Variants in FDFT1 observed in about 807,000 individuals in gnomAD.
FDFT1 encodes squalene synthase.
In FDFT1, 68 loss-of-function variants were observed where a neutral mutation model predicts 46.8. The observed-to-expected ratio is 1.45, with a 90% confidence interval of 1.19 to 1.78. The LOEUF (loss-of-function observed/expected upper bound fraction) is 1.78, where lower values mean the gene tolerates loss of function less well. Ranked by LOEUF, FDFT1 falls within the 40% of genes most tolerant of loss-of-function variation. FDFT1 has a pLI of 0.00. For synonymous variants in FDFT1, 351 were observed against 185.1 expected (o/e 1.90, Z -7.28); for missense variants, 928 against 524.4 (o/e 1.77, Z -7.52).
chr8:11,809,523 A>T, intron 2 of FDFT1, 144 bp from the exon 3 acceptor site: 1 of 1,306,904 alleles, frequency 7.7e-7, no homozygotes, highest in Non-Finnish European at 9.9e-7. Flanking sequence ...ACTTTCGTTA[A>T]GTATGAAAAG....
upstream of FDFT1, chr8:11,802,680 G>T: frequency 1.5e-6 from 1 of 648,708 alleles, no homozygotes; most frequent in African/African-American, 1.8e-5. Flanking sequence ...CGGTTGAAGT[G>T]GGCGGAGCGG....
chr8:11,835,834 T>C (rs1811459039), intron 7 of FDFT1, among the ~76,000 whole-genome samples: 1 of 152,026 alleles, frequency 6.6e-6, no homozygotes, highest in Non-Finnish European at 1.5e-5. Context: ...AAGTCTTAAA[T>C]TTTCAAAAGT....
chr8:11,837,270 A>G (rs1413983642), intron 7 of FDFT1, among the ~76,000 whole-genome samples: 1 of 152,230 alleles, frequency 6.6e-6, no homozygotes, highest in African/African-American at 2.4e-5. Flanking sequence ...TTGTTCTGTC[A>G]TCCAGGCTGG....
chr8:11,812,958 G>T (rs760500370), intron 3 of FDFT1, among the ~76,000 whole-genome samples: 10 of 152,214 alleles, frequency 6.6e-5, no homozygotes, highest in Non-Finnish European at 1.2e-4. Context: ...TCATCATTCT[G>T]TGAACATCAT....
In FDFT1 at chr8:11,809,352, T is replaced by C. The variant is rs1807380757; in HGVS notation, c.198-315T>C. The C allele has an allele frequency of 3.6e-6, 4 of 1,116,078 alleles. No individual in the cohort carries two copies. The African/African-American group carries it at 6.5e-5, about 18-fold the overall frequency. 69.1% of individuals were successfully genotyped at this position (1,116,078 alleles called of 1,614,324 possible). On this transcript the variant is annotated intron_variant, in intron 2 of 7. Coordinates refer to ENST00000220584, the MANE Select transcript of FDFT1 (RefSeq NM_004462.5). Reference sequence around the variant, plus strand: ...TTTTTTGACTTTCTTTTCTATTTGCTACATATTAGTTCGGTCTAAACGTTT... The same window carrying C: ...TTTTTTGACTTTCTTTTCTATTTGCCACATATTAGTTCGGTCTAAACGTTT...
intron 7 of FDFT1, chr8:11,831,910 G>C: frequency 2.5e-6 from 1 of 402,114 alleles, no homozygotes. Context: ...GTAGGTTGGA[G>C]CCCCTCAGTA....
chr8:11,830,357 T>C lies in FDFT1; in HGVS notation c.816T>C (p.Asp272=), dbSNP rs1810607275. The change falls in exon 6 of 8, where the codon GAT becomes GAC. Residue 272 remains aspartate (D), a synonymous_variant. Transcript: ENST00000220584. ...LITNALHHIP[D]VITYLSRLRN... is the part of the protein sequence containing the mutation. ...CCAATGCACTGCACCACATCCCAGA[T>C]GTCATCACCTACCTTTCGAGACTCA... 3 of 1,613,952 alleles carry C rather than the reference T, an allele frequency of 1.9e-6. No homozygotes were observed. Among genetic ancestry groups the C allele is most frequent in the Non-Finnish European group, 2.5e-6 (3 of 1,179,870 alleles).
At chr8:11,816,963 G>T (rs138607629) in intron 3 of FDFT1, among the ~76,000 whole-genome samples, 1,698 of 152,280 alleles carry the variant, frequency 0.011, 32 homozygotes, top group African/African-American at 0.039. Flanking sequence ...CAAAGGGAAT[G>T]CTTCCAGTTT....
intron 7 of FDFT1, among the ~76,000 whole-genome samples, 185 bp from the exon 8 acceptor site, chr8:11,838,203 C>T (rs1287736138): frequency 6.6e-6 from 1 of 152,196 alleles, no homozygotes; most frequent in Non-Finnish European, 1.5e-5. Flanking sequence ...TTGAGATGAG[C>T]TGGGGCTGAC....
chr8:11,827,950 C>G (rs1006030094), intron 5 of FDFT1, among the ~76,000 whole-genome samples: 4 of 151,910 alleles, frequency 2.6e-5, no homozygotes, highest in Admixed American at 2.0e-4. Context: ...GCCTATAATC[C>G]CAGCACTTTG....
At chr8:11,808,517 C>T in intron 1 of FDFT1, 1 of 1,333,572 alleles carries the variant, frequency 7.5e-7, no homozygotes, top group Non-Finnish European at 9.5e-7. Context: ...CCGCGATTCC[C>T]ATGGCCGCAG....
chr8:11,809,040 T>C lies in FDFT1; in HGVS notation c.197+149T>C. The C allele has an allele frequency of 2.2e-6, 3 of 1,365,762 alleles. No individual in the cohort carries two copies. In the Admixed American group the frequency reaches 7.2e-5, roughly 33 times the overall value. The allele number at this position is 1,365,762 out of a possible 1,614,324, so 84.6% of individuals were successfully genotyped here. On this transcript the variant is annotated intron_variant, in intron 2 of 7. Coordinates refer to ENST00000220584, the MANE Select transcript of FDFT1 (RefSeq NM_004462.5). ...ACATAGCCCGGCCCTACGTGTTTAC[T>C]TTAGAAAGCCCTTCCAGGCTCTTTG...
At chr8:11,824,555 G>A (rs1282710335) in intron 4 of FDFT1, among the ~76,000 whole-genome samples, 1 of 151,620 alleles carries the variant, frequency 6.6e-6, no homozygotes, top group Admixed American at 6.6e-5. Flanking sequence ...AGCCCCCTGA[G>A]TAACTGGGAC....
In FDFT1 at chr8:11,826,032, C is replaced by A. The variant is rs916023354; in HGVS notation, c.519C>A (p.His173Gln). The part of the protein sequence containing the change: ...TSEQEWDKYC[H>Q]YVAGLVGIGL... ...AAAATCGTCTCTTACAGTACTGCCA[C>A]TATGTTGCTGGGCTGGTCGGAATTG... is the stretch of plus-strand genomic sequence containing the variant. The change falls in exon 5 of 8, where the codon CAC becomes CAA. Residue 173 changes from histidine (H) to glutamine (Q), a missense_variant. Physicochemically the swap from His to Gln is conservative, Grantham distance 24 (BLOSUM62 0). Transcript: ENST00000220584. The A allele has an allele frequency of 6.3e-7, 1 of 1,576,640 alleles. No homozygotes were observed. Among genetic ancestry groups the A allele is most frequent in the African/African-American group, 1.3e-5 (1 of 74,304 alleles).
In FDFT1 at chr8:11,826,106, G is replaced by T; in HGVS notation, c.593G>T (p.Gly198Val). Reference protein sequence around the residue: ...SASEFEDPLVGEDTERANSMG... With the variant: ...SASEFEDPLVVEDTERANSMG... ...TCAGAGTTTGAAGACCCCTTAGTTG[G>T]TGAAGATACAGAACGTGCCAACTCT... The change falls in exon 5 of 8, where the codon GGT (glycine) becomes GTT (valine). Residue 198 changes from glycine to valine, a missense_variant. Transcript: ENST00000220584. The T allele has an allele frequency of 6.2e-7, 1 of 1,611,000 alleles. No individual in the cohort carries two copies.
chr8:11,816,029 T>G (rs1406764367), intron 3 of FDFT1, among the ~76,000 whole-genome samples: 1 of 152,220 alleles, frequency 6.6e-6, no homozygotes, highest in Non-Finnish European at 1.5e-5. Context: ...CAGTCCATCT[T>G]GAGTTAATTT....
intron 4 of FDFT1, among the ~76,000 whole-genome samples, chr8:11,823,786 C>G (rs953847082): frequency 6.6e-6 from 1 of 152,122 alleles, no homozygotes; most frequent in African/African-American, 2.4e-5. Context: ...CTCTGTCACC[C>G]AGGCTGGAGT....
upstream of FDFT1, among the ~76,000 whole-genome samples, chr8:11,799,161 AG>A (rs1464726561): frequency 6.6e-6 from 1 of 152,234 alleles, no homozygotes; most frequent in Non-Finnish European, 1.5e-5. Context: ...ATAGGTCAAA[AG>A]GTCTTTTTAG....
At chr8:11,828,191 G>A (rs1810276783) in intron 5 of FDFT1, among the ~76,000 whole-genome samples, 1 of 152,136 alleles carries the variant, frequency 6.6e-6, no homozygotes, top group South Asian at 2.1e-4. Context: ...GGGAGGTTGA[G>A]GCAGGAGGAT....
Sources: allele counts gnomAD v4.1 joint callset (sites outside exome capture counted in the v4.1 genomes callset), GRCh38; gene constraint gnomAD v4.1.1; transcripts MANE v1.5; gene names NCBI Gene and HGNC (gene_info 2026-07-23, HGNC 2026-07-21).